AGBL4: variants seen among roughly 807,000 people sequenced by gnomAD.
AGBL4 encodes AGBL carboxypeptidase 4.
In AGBL4, 58 loss-of-function variants were observed where a neutral mutation model predicts 66.4. The observed-to-expected ratio is 0.87, with a 90% CI of 0.71 to 1.09. The LOEUF (loss-of-function observed/expected upper bound fraction) is 1.09, where lower values mean the gene tolerates loss of function less well. Among genes scored for constraint, AGBL4 ranks in the 50% least tolerant of loss-of-function variants. The pLI is 0.00. For missense variants in AGBL4, 579 were observed against 631.0 expected (o/e 0.92, Z 0.88); for synonymous variants, 234 against 222.9 (o/e 1.05, Z -0.44).
At chr1:49,542,809 A>AATCCTTTG (rs2148826099) in intron 3 of AGBL4, among the ~76,000 whole-genome samples, 1 of 148,688 alleles carries the variant, frequency 6.7e-6, no homozygotes, top group Admixed American at 6.8e-5. Context: ...GAGGCAGGAG[A>AATCCTTTG]ATCCTTTGAA....
At chr1:49,055,719 A>G (rs948302256) in intron 4 of AGBL4, among the ~76,000 whole-genome samples, 1 of 152,152 alleles carries the variant, frequency 6.6e-6, no homozygotes, top group Non-Finnish European at 1.5e-5. Flanking sequence ...TTTGATTTTA[A>G]GAAAATAAAT....
At chr1:49,768,661 G>A (rs1032774092) in intron 2 of AGBL4, among the ~76,000 whole-genome samples, 4 of 151,946 alleles carry the variant, frequency 2.6e-5, no homozygotes, top group African/African-American at 9.7e-5. Flanking sequence ...ACATATTACC[G>A]GAAGTCCTAG....
intron 5 of AGBL4, among the ~76,000 whole-genome samples, chr1:48,873,717 C>T (rs756202636): frequency 6.6e-6 from 1 of 152,110 alleles, no homozygotes; most frequent in African/African-American, 2.4e-5. Flanking sequence ...CCAATAGGCA[C>T]ACATCAACAT....
intron 6 of AGBL4, among the ~76,000 whole-genome samples, chr1:48,743,954 T>C (rs923029): frequency 0.043 from 6,527 of 152,224 alleles, 449 homozygotes; most frequent in African/African-American, 0.15. Flanking sequence ...ATCATAAAAT[T>C]TAAGAATGAA....
At chr1:49,079,501 A>G (rs914578300) in intron 4 of AGBL4, among the ~76,000 whole-genome samples, 1 of 152,154 alleles carries the variant, frequency 6.6e-6, no homozygotes, top group Non-Finnish European at 1.5e-5. Flanking sequence ...GAACTCACTC[A>G]CTATCATGAG....
At chr1:49,152,819 C>A (rs532470305) in intron 4 of AGBL4, among the ~76,000 whole-genome samples, 2 of 152,164 alleles carry the variant, frequency 1.3e-5, no homozygotes, top group African/African-American at 4.8e-5. Flanking sequence ...AAATTTCACC[C>A]ACACAGGGTT....
At chr1:49,525,494 C>T (rs1650586187) in intron 3 of AGBL4, among the ~76,000 whole-genome samples, 2 of 151,914 alleles carry the variant, frequency 1.3e-5, no homozygotes, top group Non-Finnish European at 2.9e-5. Context: ...ATCTTTTCTT[C>T]TTTTTATGTA....
chr1:49,490,369 A>C (rs1647164598), intron 3 of AGBL4, among the ~76,000 whole-genome samples: 1 of 151,690 alleles, frequency 6.6e-6, no homozygotes, highest in African/African-American at 2.4e-5. Flanking sequence ...GATAAATCCT[A>C]CTTCTCAGTA....
intron 4 of AGBL4, among the ~76,000 whole-genome samples, chr1:49,094,586 T>G (rs568631101): frequency 1.3e-5 from 2 of 152,278 alleles, no homozygotes; most frequent in South Asian, 4.1e-4. Context: ...GGATTCAGTT[T>G]GCCAGTATTT....
intron 11 of AGBL4, among the ~76,000 whole-genome samples, chr1:48,542,411 T>C (rs952136569): frequency 2.0e-5 from 3 of 152,206 alleles, no homozygotes; most frequent in African/African-American, 7.2e-5. Flanking sequence ...CTTGAGGAAT[T>C]GCCACACTGT....
chr1:49,371,248 G>GATAGATAGATAC (rs1220363831), intron 3 of AGBL4, among the ~76,000 whole-genome samples: 213 of 137,970 alleles, frequency 1.5e-3, no homozygotes, highest in Non-Finnish European at 2.6e-3. Context: ...TAGATAGATA[G>GATAGATAGATAC]ATACATACAT....
chr1:49,459,449 T>A (rs1383907531), intron 3 of AGBL4, among the ~76,000 whole-genome samples: 1 of 151,690 alleles, frequency 6.6e-6, no homozygotes, highest in East Asian at 1.9e-4. Context: ...TCAGTAGTAG[T>A]ATCTCCCATT....
At chr1:48,775,774 C>A (rs765492208) in intron 6 of AGBL4, among the ~76,000 whole-genome samples, 4 of 152,214 alleles carry the variant, frequency 2.6e-5, no homozygotes, top group Non-Finnish European at 5.9e-5. Context: ...CCCTCATCTA[C>A]GAAATGGAGA....
rs1645768693 is a variant in AGBL4 at position 49,126,580 on chromosome 1, T to A, written c.378-80780A>T. 7.2e-5 allele frequency among the ~76,000 whole-genome samples: 11 copies of A among 152,210 alleles called. No homozygotes were observed. In the South Asian group the frequency reaches 2.3e-3, roughly 32 times the overall value. ...TAGGCATGATAAGGAAAAATTGAAG[T>A]TTAAGCAACTTTACTAACTTTCCCA... On this transcript the variant is annotated intron_variant, in intron 4 of 13. Coordinates refer to ENST00000371839, the MANE Select transcript of AGBL4 (RefSeq NM_032785.4).
intron 1 of AGBL4, among the ~76,000 whole-genome samples, chr1:49,957,364 G>C (rs908473779): frequency 9.2e-5 from 14 of 152,020 alleles, no homozygotes; most frequent in African/African-American, 3.4e-4. Context: ...TTCTGTAGAT[G>C]TCTATTAGGT....
chr1:49,250,399 G>A (rs998269988), intron 3 of AGBL4, among the ~76,000 whole-genome samples: 1 of 151,572 alleles, frequency 6.6e-6, no homozygotes, highest in Non-Finnish European at 1.5e-5. Flanking sequence ...CTGGGCTGAA[G>A]GGAGAAAGAG....
intron 1 of AGBL4, among the ~76,000 whole-genome samples, chr1:49,993,524 C>T (rs1202378133): frequency 6.6e-6 from 1 of 152,322 alleles, no homozygotes; most frequent in East Asian, 1.9e-4. Context: ...ATACCCTTTT[C>T]CTTTCCCTTC....
At chr1:48,571,765 T>C (rs1055370727) in intron 11 of AGBL4, among the ~76,000 whole-genome samples, 1 of 152,208 alleles carries the variant, frequency 6.6e-6, no homozygotes, top group Non-Finnish European at 1.5e-5. Context: ...CAGGATGTCA[T>C]GTGGGCCTCG....
At chr1:48,912,782 G>T (rs1479797047) in intron 5 of AGBL4, among the ~76,000 whole-genome samples, 2 of 152,126 alleles carry the variant, frequency 1.3e-5, no homozygotes, top group Admixed American at 6.5e-5. Context: ...CCCTATTGAG[G>T]TTACTAGGAG....
Sources: gnomAD v4.1 joint callset for allele counts (sites outside exome capture counted in the v4.1 genomes callset) on GRCh38, gnomAD v4.1.1 for gene constraint, MANE v1.5 for transcripts, NCBI Gene and HGNC (gene_info 2026-07-23, HGNC 2026-07-21) for gene names.